The following TMEM132D variants were observed in gnomAD, a reference collection of about 807,000 sequenced individuals.
TMEM132D encodes transmembrane protein 132D, also known as mature OL transmembrane protein.
Under a neutral mutation model 62.3 loss-of-function variants are expected in TMEM132D, and 21 were observed. That is an observed-to-expected ratio of 0.34 (90% CI 0.24 to 0.49). The LOEUF (loss-of-function observed/expected upper bound fraction) is 0.49. TMEM132D is among the 20% of genes least tolerant of loss of function. The pLI is 0.99. For missense variants in TMEM132D, 1,346 were observed against 1,402.8 expected (o/e 0.96, Z 0.65); for synonymous variants, 621 against 575.6 (o/e 1.08, Z -1.13).
chr12:129,805,071 G>C (rs1439628452), intron 1 of TMEM132D, among the ~76,000 whole-genome samples: 3 of 149,034 alleles, frequency 2.0e-5, no homozygotes, highest in Non-Finnish European at 4.5e-5. Flanking sequence ...AACATTCCAT[G>C]CTCATGGGTA....
At chr12:129,435,468 C>T (rs77575413) in intron 3 of TMEM132D, among the ~76,000 whole-genome samples, 4,138 of 152,280 alleles carry the variant, frequency 0.027, 186 homozygotes, top group African/African-American at 0.095. Context: ...TTCTCCACAT[C>T]TGTGCCAGTA....
intron 4 of TMEM132D, among the ~76,000 whole-genome samples, chr12:129,305,738 G>A (rs1198422361): frequency 6.6e-6 from 1 of 152,078 alleles, no homozygotes; most frequent in Non-Finnish European, 1.5e-5. Flanking sequence ...ATTAAGATGC[G>A]GATAATAGCA....
intron 1 of TMEM132D, among the ~76,000 whole-genome samples, chr12:129,839,116 A>ACTTTTTTTTTTTTTTTTTTTTT (rs1224483461): frequency 1.6e-4 from 1 of 6,450 alleles, no homozygotes; most frequent in Non-Finnish European, 3.7e-4. Flanking sequence ...ACGCCTGGCT[A>ACTTTTTTTTTTTTTTTTTTTTT]ATTTTTTTTT....
In TMEM132D at chr12:129,454,617, G is replaced by A. The variant is rs570740119; in HGVS notation, c.1115+76442C>T. On this transcript the variant is annotated intron_variant, in intron 3 of 8. Transcript: ENST00000422113. ...AAATGGCCCTTGAGTTCATGTGTAA[G>A]TCAAGCTTAAGAAGCCTTGCATTTG... 3.3e-5 allele frequency among the ~76,000 whole-genome samples: 5 copies of A among 152,352 alleles called. No homozygotes were observed. In the East Asian group the frequency reaches 9.6e-4, roughly 29 times the overall value.
chr12:129,304,124 C>T (rs938227399), intron 4 of TMEM132D, among the ~76,000 whole-genome samples: 2 of 152,222 alleles, frequency 1.3e-5, no homozygotes, highest in African/African-American at 4.8e-5. Context: ...TCTGGCTATC[C>T]GTGAGCCCAA....
intron 4 of TMEM132D, among the ~76,000 whole-genome samples, chr12:129,245,993 G>A (rs976389475): frequency 9.2e-5 from 14 of 152,300 alleles, no homozygotes; most frequent in African/African-American, 3.4e-4. Flanking sequence ...AGAGGCAGCT[G>A]CCCCATGAAC....
At chr12:129,861,868 T>G (rs1171629539) in intron 1 of TMEM132D, among the ~76,000 whole-genome samples, 1 of 152,090 alleles carries the variant, frequency 6.6e-6, no homozygotes, top group Non-Finnish European at 1.5e-5. Context: ...GATTGGCCTT[T>G]TGAGATGTCC....
intron 1 of TMEM132D, among the ~76,000 whole-genome samples, chr12:129,836,557 A>G (rs1040090071): frequency 1.3e-5 from 2 of 152,066 alleles, no homozygotes; most frequent in African/African-American, 4.8e-5. Flanking sequence ...AGAGAATGTC[A>G]TATTACCCAA....
At chr12:129,416,875 G>C (rs890640981) in intron 3 of TMEM132D, among the ~76,000 whole-genome samples, 1 of 152,292 alleles carries the variant, frequency 6.6e-6, no homozygotes, top group Admixed American at 6.5e-5. Flanking sequence ...AACCAGCCTT[G>C]CATCCCAGGG....
intron 4 of TMEM132D, among the ~76,000 whole-genome samples, chr12:129,254,251 G>T (rs778535024): frequency 2.6e-5 from 4 of 152,208 alleles, no homozygotes; most frequent in Non-Finnish European, 4.4e-5. Context: ...AATGTTTGAG[G>T]TGATGGACAT....
intron 3 of TMEM132D, among the ~76,000 whole-genome samples, chr12:129,516,535 T>A (rs549609294): frequency 2.3e-4 from 35 of 152,272 alleles, no homozygotes; most frequent in South Asian, 8.3e-4. Flanking sequence ...CCCCTTATAA[T>A]ACCATCAGAT....
chr12:129,652,063 T>C (rs927624048), intron 2 of TMEM132D, among the ~76,000 whole-genome samples: 37 of 152,304 alleles, frequency 2.4e-4, no homozygotes, highest in African/African-American at 8.7e-4. Context: ...CAGCTCTCAG[T>C]CAGCCAGCAT....
At chr12:129,188,297 C>T (rs181122032) in intron 5 of TMEM132D, among the ~76,000 whole-genome samples, 29 of 152,224 alleles carry the variant, frequency 1.9e-4, no homozygotes, top group East Asian at 9.7e-4. Flanking sequence ...CTCAGGGGGC[C>T]CAGTCACCTC....
In TMEM132D at chr12:129,827,890, C is replaced by T. The variant is rs1179327726; in HGVS notation, c.79+75371G>A. Among the ~76,000 whole-genome samples, 1 of 152,096 alleles carries T rather than the reference C, an allele frequency of 6.6e-6. No individual in the cohort carries two copies. The highest frequency in any genetic ancestry group is 2.4e-5 in the African/African-American group (1 of 41,414). ...CTGCTACAGCCACTAAGTGATAAAA[C>T]CATAATCTTCCTAAAGAAATGGGCC... On this transcript the variant is annotated intron_variant, in intron 1 of 8. Transcript: ENST00000422113. The surrounding 1 kb of genome is among the most constrained non-coding windows in gnomAD (Gnocchi z 9.7).
intron 1 of TMEM132D, among the ~76,000 whole-genome samples, chr12:129,716,409 G>A (rs1196169946): frequency 1.3e-5 from 2 of 152,196 alleles, no homozygotes; most frequent in Non-Finnish European, 1.5e-5. Context: ...GGGAACGCCT[G>A]TGAGGGTCAG....
In TMEM132D at chr12:129,337,678, A is replaced by G. The variant is rs2135657994; in HGVS notation, c.1255T>C (p.Tyr419His). ...CCAATCAAGTCCTTTGGGCTCACAT[A>G]GATCTTGGACACTCCCAAGTCAGAC... ...ITSDLGVSKI[Y>H]VSPKDLIGVV... The change falls in exon 4 of 9, where the codon TAT (tyrosine) becomes CAT (histidine). Residue 419 changes from tyrosine to histidine, a missense_variant. Coordinates refer to ENST00000422113, the MANE Select transcript of TMEM132D (RefSeq NM_133448.3). 6.2e-7 allele frequency: 1 copy of G among 1,614,126 alleles called. No individual in the cohort carries two copies. The highest frequency in any genetic ancestry group is 1.1e-5 in the South Asian group (1 of 91,078).
intron 3 of TMEM132D, among the ~76,000 whole-genome samples, chr12:129,460,850 T>C (rs1410174130): frequency 6.6e-6 from 1 of 152,144 alleles, no homozygotes; most frequent in Non-Finnish European, 1.5e-5. Flanking sequence ...GGGGCACTGA[T>C]GGGCACCTTC....
chr12:129,101,255 C>T (rs1031022121), intron 5 of TMEM132D, among the ~76,000 whole-genome samples: 6 of 152,212 alleles, frequency 3.9e-5, no homozygotes, highest in African/African-American at 1.4e-4. Flanking sequence ...CAAACAGCCC[C>T]GTGCAGCTTC....
chr12:129,901,005 A>G (rs1458122465), intron 1 of TMEM132D, among the ~76,000 whole-genome samples: 1 of 152,268 alleles, frequency 6.6e-6, no homozygotes, highest in East Asian at 1.9e-4. Context: ...GTAAGGCTCA[A>G]GCATATTAAC....
Sources: allele counts gnomAD v4.1 joint callset (sites outside exome capture counted in the v4.1 genomes callset), GRCh38; gene constraint gnomAD v4.1.1; non-coding constraint Gnocchi (gnomAD v3.1); transcripts MANE v1.5; gene names NCBI Gene and HGNC (gene_info 2026-07-23, HGNC 2026-07-21).